The following NKAIN3 variants were observed in gnomAD, a reference collection of about 807,000 sequenced individuals.
NKAIN3 encodes the protein sodium/potassium-transporting ATPase subunit beta-1-interacting protein 3.
A neutral mutation model predicts 30.2 loss-of-function variants in NKAIN3; 25 were observed. The ratio of observed to expected loss-of-function variants is 0.83; its 90% CI spans 0.60 to 1.16. NKAIN3 has a LOEUF of 1.16. Ranked by LOEUF, NKAIN3 falls within the 50% of genes most tolerant of loss-of-function variation. The pLI is 0.00. For missense variants in NKAIN3, 225 were observed against 254.1 expected (o/e 0.89, Z 0.78); for synonymous variants, 91 against 89.6 (o/e 1.02, Z -0.09).
intron 3 of NKAIN3, among the ~76,000 whole-genome samples, chr8:62,702,924 T>A (rs1010328440): frequency 6.6e-6 from 1 of 152,144 alleles, no homozygotes; most frequent in African/African-American, 2.4e-5. Flanking sequence ...AATGAAGCCA[T>A]ATAATAATAG....
rs1824030531 is a variant in NKAIN3, at chr8:62,979,683, G to A, written c.*14276G>A. Reference sequence around the variant, plus strand: ...GAGATTGAGGCTGGTAGTTACAGTGGTTTTGCTTCATGTCCCATCCCACTG... The same window carrying A: ...GAGATTGAGGCTGGTAGTTACAGTGATTTTGCTTCATGTCCCATCCCACTG... On this transcript the variant is annotated 3_prime_UTR_variant, in exon 7 of 7. Coordinates refer to ENST00000623646, the MANE Select transcript of NKAIN3 (RefSeq NM_001304533.3). 1 of 152,238 alleles carries A rather than the reference G, an allele frequency of 6.6e-6. No homozygotes were observed. Among genetic ancestry groups the A allele is most frequent in the Non-Finnish European group, 1.5e-5 (1 of 68,070 alleles). The allele number at this position is 152,238 out of a possible 1,614,324, so 9.4% of individuals were successfully genotyped here. A position where few individuals can be genotyped will look rare whatever the true frequency, so the allele number is the denominator to read the frequency against.
At chr8:62,964,723 G>A (rs1823656593) in intron 6 of NKAIN3, among the ~76,000 whole-genome samples, 1 of 151,952 alleles carries the variant, frequency 6.6e-6, no homozygotes. Context: ...TATACCGATT[G>A]CATGAGGCCC....
intron 1 of NKAIN3, among the ~76,000 whole-genome samples, chr8:62,523,806 G>A (rs1808224949): frequency 6.6e-6 from 1 of 152,014 alleles, no homozygotes; most frequent in Non-Finnish European, 1.5e-5. Flanking sequence ...GCGGGTACAG[G>A]TACGTCAGCT....
At chr8:62,684,313 T>A (rs562604446) in intron 3 of NKAIN3, among the ~76,000 whole-genome samples, 13 of 152,332 alleles carry the variant, frequency 8.5e-5, no homozygotes, top group African/African-American at 3.1e-4. Flanking sequence ...CCTCTTCTTA[T>A]AGGCACATCT....
At chr8:62,381,818 C>A (rs1477763543) in intron 1 of NKAIN3, among the ~76,000 whole-genome samples, 1 of 142,500 alleles carries the variant, frequency 7.0e-6, no homozygotes, top group Non-Finnish European at 1.5e-5. Context: ...GCATGAATAT[C>A]TTCTTAATAT....
At chr8:62,392,857 A>G (rs1237628325) in intron 1 of NKAIN3, among the ~76,000 whole-genome samples, 1 of 152,090 alleles carries the variant, frequency 6.6e-6, no homozygotes, top group Non-Finnish European at 1.5e-5. Flanking sequence ...AATACTACAA[A>G]TAAAATATAT....
intron 5 of NKAIN3, among the ~76,000 whole-genome samples, chr8:62,936,274 C>T (rs530387297): frequency 2.2e-4 from 33 of 152,020 alleles, no homozygotes; most frequent in Middle Eastern, 3.2e-3. Context: ...AGTAGACATC[C>T]GCTTCCTTTC....
chr8:62,444,873 T>C (rs1021358980), intron 1 of NKAIN3, among the ~76,000 whole-genome samples: 1 of 152,184 alleles, frequency 6.6e-6, no homozygotes, highest in African/African-American at 2.4e-5. Context: ...GCATCCATTA[T>C]TCCCTGTCTT....
chr8:62,818,393 C>T (rs529240385), intron 4 of NKAIN3, among the ~76,000 whole-genome samples: 1 of 152,212 alleles, frequency 6.6e-6, no homozygotes, highest in African/African-American at 2.4e-5. Context: ...AAGAACTAGG[C>T]AGTTCTGAGG....
intron 1 of NKAIN3, among the ~76,000 whole-genome samples, chr8:62,489,402 A>G (rs745484242): frequency 1.3e-5 from 2 of 152,182 alleles, no homozygotes; most frequent in Non-Finnish European, 2.9e-5. Flanking sequence ...CTATAGCCTT[A>G]CATTATAGAC....
intron 3 of NKAIN3, among the ~76,000 whole-genome samples, chr8:62,655,575 G>A (rs1812740510): frequency 6.6e-6 from 1 of 152,046 alleles, no homozygotes; most frequent in African/African-American, 2.4e-5. Flanking sequence ...AACTGGTGAG[G>A]CAAAGTGAGA....
At chr8:62,279,219 G>A (rs567787509) in intron 1 of NKAIN3, among the ~76,000 whole-genome samples, 4 of 152,202 alleles carry the variant, frequency 2.6e-5, no homozygotes, top group Admixed American at 2.6e-4. Context: ...ACTTTTGATA[G>A]GGTTATTTTT....
intron 1 of NKAIN3, among the ~76,000 whole-genome samples, chr8:62,371,081 G>T (rs767112218): frequency 2.9e-4 from 44 of 151,678 alleles, no homozygotes; most frequent in Non-Finnish European, 4.7e-4. Context: ...ATGATTACTG[G>T]GTTGATGTCT....
intron 6 of NKAIN3, among the ~76,000 whole-genome samples, chr8:62,959,433 G>GGTGCGTGT (rs1554596788): frequency 1.4e-5 from 2 of 143,154 alleles, no homozygotes; most frequent in Non-Finnish European, 3.0e-5. Flanking sequence ...GACAAATCAG[G>GGTGCGTGT]GTGTGTGTGT....
At chr8:62,949,721 TG>T (rs1429194971) in intron 5 of NKAIN3, among the ~76,000 whole-genome samples, 2 of 121,548 alleles carry the variant, frequency 1.6e-5, no homozygotes, top group East Asian at 2.1e-4. Flanking sequence ...TTAATTGTGT[TG>T]CTTTTTTTTT....
chr8:62,332,055 G>T (rs1815375700), intron 1 of NKAIN3, among the ~76,000 whole-genome samples: 1 of 152,056 alleles, frequency 6.6e-6, no homozygotes, highest in African/African-American at 2.4e-5. Context: ...TTTTCTACTT[G>T]TTGCCCTTCA....
chr8:62,760,042 C>T (rs1248914822), intron 4 of NKAIN3, among the ~76,000 whole-genome samples: 1 of 144,520 alleles, frequency 6.9e-6, no homozygotes, highest in Non-Finnish European at 1.5e-5. Context: ...TCATCACTGG[C>T]CATCAGAGAA....
intron 1 of NKAIN3, among the ~76,000 whole-genome samples, chr8:62,525,090 A>G (rs1209345151): frequency 1.3e-5 from 2 of 151,996 alleles, no homozygotes; most frequent in African/African-American, 4.8e-5. Flanking sequence ...TCAATTAGCA[A>G]CAGCTTTATA....
At chr8:62,942,141 A>G (rs1822974830) in intron 5 of NKAIN3, among the ~76,000 whole-genome samples, 1 of 150,556 alleles carries the variant, frequency 6.6e-6, no homozygotes, top group Non-Finnish European at 1.5e-5. Flanking sequence ...TGAATCAAAT[A>G]AGAACTCAAT....
Sources: allele counts gnomAD v4.1 joint callset (sites outside exome capture counted in the v4.1 genomes callset), GRCh38; gene constraint gnomAD v4.1.1; transcripts MANE v1.5; gene names NCBI Gene and HGNC (gene_info 2026-07-23, HGNC 2026-07-21).